AKT3: variants seen among roughly 807,000 people sequenced by gnomAD.
AKT3 encodes AKT serine/threonine kinase 3, also known as RAC-gamma serine/threonine-protein kinase.
A neutral mutation model predicts 65.3 loss-of-function variants in AKT3; 15 were observed. The observed-to-expected ratio is 0.23, with a 90% CI of 0.15 to 0.35. The LOEUF is 0.35. Among genes scored for constraint, AKT3 ranks in the 10% least tolerant of loss-of-function variants. The pLI, the probability that AKT3 is intolerant of heterozygous loss-of-function variation, is 1.00. For missense variants in AKT3, 243 were observed against 576.5 expected (o/e 0.42, Z 5.92); for synonymous variants, 206 against 183.8 (o/e 1.12, Z -0.98).
chr1:243,617,110 T>A (rs1678382657), intron 6 of AKT3, among the ~76,000 whole-genome samples: 1 of 152,108 alleles, frequency 6.6e-6, no homozygotes, highest in Admixed American at 6.6e-5. Context: ...AATTCCAAGA[T>A]GTCAAGTGTG....
intron 2 of AKT3, among the ~76,000 whole-genome samples, chr1:243,815,210 C>T (rs888983635): frequency 8.5e-5 from 13 of 152,108 alleles, no homozygotes; most frequent in African/African-American, 3.1e-4. Context: ...TATCTCTCTC[C>T]TTTTACATTT....
At chr1:243,657,225 T>C (rs942116107) in intron 4 of AKT3, among the ~76,000 whole-genome samples, 1 of 152,088 alleles carries the variant, frequency 6.6e-6, no homozygotes, top group Non-Finnish European at 1.5e-5. Context: ...AAAGACACCT[T>C]CTATGAACCG....
At chr1:243,849,386 A>ACCCCCCCCCCCCCCC (rs57424400) in intron 1 of AKT3, among the ~76,000 whole-genome samples, 42 of 107,044 alleles carry the variant, frequency 3.9e-4, no homozygotes, top group African/African-American at 1.0e-3. Flanking sequence ...CCACACACAC[A>ACCCCCCCCCCCCCCC]CCCCCCCCCC....
At chr1:243,817,074 C>G (rs1395198756) in intron 2 of AKT3, among the ~76,000 whole-genome samples, 1 of 152,126 alleles carries the variant, frequency 6.6e-6, no homozygotes, top group Non-Finnish European at 1.5e-5. Context: ...CCAGGATGAC[C>G]TGCTAGAGAG....
chr1:243,796,002 CT>C (rs1316219233), intron 2 of AKT3, among the ~76,000 whole-genome samples: 3 of 152,164 alleles, frequency 2.0e-5, no homozygotes, highest in Non-Finnish European at 4.4e-5. Context: ...TTTCTGACCC[CT>C]ATCTTCCTTA....
chr1:243,527,928 CACACACACAGAG>C (rs1285610648), intron 12 of AKT3, among the ~76,000 whole-genome samples: 280 of 50,220 alleles, frequency 5.6e-3, no homozygotes, highest in Middle Eastern at 0.011. Flanking sequence ...CACACACACA[CACACACACAGAG>C]AGAGAGAGAG....
At chr1:243,498,119 G>C (rs1668492570), downstream of AKT3, among the ~76,000 whole-genome samples, 1 of 152,238 alleles carries the variant, frequency 6.6e-6, no homozygotes, top group African/African-American at 2.4e-5. Flanking sequence ...CCAATCCATG[G>C]AGCAGGGGTG....
intron 4 of AKT3, among the ~76,000 whole-genome samples, chr1:243,658,485 AT>A (rs1441285828): frequency 2.6e-5 from 4 of 152,200 alleles, no homozygotes; most frequent in African/African-American, 9.6e-5. Context: ...GTCAGCAAGG[AT>A]GTGGAGAAAT....
chr1:243,723,127 T>A (rs946713270), intron 2 of AKT3, among the ~76,000 whole-genome samples: 2 of 152,174 alleles, frequency 1.3e-5, no homozygotes, highest in Non-Finnish European at 2.9e-5. Context: ...AACTAAAAAC[T>A]CAATCACAAT....
intron 6 of AKT3, among the ~76,000 whole-genome samples, chr1:243,619,413 T>C (rs1678575695): frequency 1.3e-5 from 2 of 152,164 alleles, no homozygotes; most frequent in Admixed American, 6.6e-5. Flanking sequence ...TAGGTGGTTG[T>C]TAACTATAGT....
chr1:243,783,170 A>AGGTC, intron 2 of AKT3, among the ~76,000 whole-genome samples: 1 of 151,692 alleles, frequency 6.6e-6, no homozygotes. Flanking sequence ...TGGGGTCCCT[A>AGGTC]GATCGGTTCA....
chr1:243,849,076 G>A (rs1355359943), intron 1 of AKT3, among the ~76,000 whole-genome samples: 1 of 152,194 alleles, frequency 6.6e-6, no homozygotes, highest in East Asian at 1.9e-4. Context: ...CCCAAACAAG[G>A]GATGGTGACC....
At chr1:243,756,692 G>C (rs1324498174) in intron 2 of AKT3, among the ~76,000 whole-genome samples, 2 of 152,132 alleles carry the variant, frequency 1.3e-5, no homozygotes, top group Non-Finnish European at 2.9e-5. Flanking sequence ...ACTAAGTTAG[G>C]CAAGAAACAT....
chr1:243,604,258 T>A (rs1352429786), intron 8 of AKT3, among the ~76,000 whole-genome samples: 1 of 152,160 alleles, frequency 6.6e-6, no homozygotes, highest in East Asian at 1.9e-4. Flanking sequence ...CCCAAGTATT[T>A]TCCTTGCTTC....
chr1:243,494,907 AC>A (rs1277829770), downstream of AKT3, among the ~76,000 whole-genome samples: 1 of 152,198 alleles, frequency 6.6e-6, no homozygotes, highest in African/African-American at 2.4e-5. Flanking sequence ...TCACATTACA[AC>A]CCCAAATGTC....
chr1:243,583,557 GAA>G (rs977215298), intron 8 of AKT3, among the ~76,000 whole-genome samples: 1 of 38,792 alleles, frequency 2.6e-5, no homozygotes, highest in Non-Finnish European at 1.0e-4. Context: ...AAAAAAAAAA[GAA>G]AAAAAAAAGA....
At chr1:243,764,700 T>C (rs1048038523) in intron 2 of AKT3, among the ~76,000 whole-genome samples, 1 of 152,086 alleles carries the variant, frequency 6.6e-6, no homozygotes, top group Admixed American at 6.6e-5. Context: ...AAAAAGTCTA[T>C]ATTTAACTGG....
rs1196975886 is a variant in AKT3 at position 243,663,548 on chromosome 1, G to A, written c.284+1224C>T. Among the ~76,000 whole-genome samples the A allele has an allele frequency of 9.9e-5, 15 of 152,010 alleles. No individual in the cohort carries two copies. The South Asian group carries it at 1.9e-3, about 19-fold the overall frequency. ...GTATCTATATGAAAGGCCTAATTAC[G>A]TCTGCACATAGTAAGATTGGAAGTG... On this transcript the variant is annotated intron_variant, in intron 4 of 13. Transcript: ENST00000673466.
chr1:243,574,040 C>T (rs1674754740), intron 8 of AKT3, among the ~76,000 whole-genome samples: 1 of 152,054 alleles, frequency 6.6e-6, no homozygotes. Context: ...TTAATAGATA[C>T]ACAATACATG....
Sources: allele counts gnomAD v4.1 joint callset (sites outside exome capture counted in the v4.1 genomes callset), GRCh38; gene constraint gnomAD v4.1.1; transcripts MANE v1.5; gene names NCBI Gene and HGNC (gene_info 2026-07-23, HGNC 2026-07-21).